GRM8: variants seen among roughly 807,000 people sequenced by gnomAD.
The protein encoded by GRM8 is metabotropic glutamate receptor 8.
Under a neutral mutation model 87.2 loss-of-function variants are expected in GRM8, and 47 were observed. The observed-to-expected ratio is 0.54, with a 90% CI of 0.43 to 0.69. GRM8 has a LOEUF of 0.69. GRM8 is among the 30% of genes least tolerant of loss of function. The pLI is 0.00. For missense variants in GRM8, 1,019 were observed against 1,139.2 expected, an observed-to-expected ratio of 0.89 and a Z score of 1.52; for synonymous variants, 396 against 404.5, an observed-to-expected ratio of 0.98 and a Z score of 0.25.
At chr7:127,199,198 T>C (rs1314987830) in intron 2 of GRM8, among the ~76,000 whole-genome samples, 1 of 151,926 alleles carries the variant, frequency 6.6e-6, no homozygotes, top group Non-Finnish European at 1.5e-5. Flanking sequence ...TGACCTCAAG[T>C]GATCCTCCTG....
intron 8 of GRM8, among the ~76,000 whole-genome samples, chr7:126,601,450 A>G (rs1415092812): frequency 6.6e-6 from 1 of 152,150 alleles, no homozygotes; most frequent in Non-Finnish European, 1.5e-5. Flanking sequence ...TATACCCAGT[A>G]ATGGGATGGC....
intron 8 of GRM8, among the ~76,000 whole-genome samples, chr7:126,583,011 G>A (rs778383354): frequency 2.6e-5 from 4 of 152,162 alleles, no homozygotes; most frequent in Non-Finnish European, 5.9e-5. Context: ...CATCCAATCT[G>A]TAGGCCAAAT....
intron 7 of GRM8, among the ~76,000 whole-genome samples, chr7:126,755,812 T>C (rs1816943657): frequency 6.6e-6 from 1 of 151,896 alleles, no homozygotes; most frequent in Non-Finnish European, 1.5e-5. Context: ...ATGGTGTCAA[T>C]TGAAACTGAA....
intron 6 of GRM8, among the ~76,000 whole-genome samples, chr7:126,792,319 C>T (rs541047997): frequency 1.3e-3 from 196 of 152,238 alleles, no homozygotes; most frequent in South Asian, 0.011. Flanking sequence ...GTATTTAAAC[C>T]AAAAGTTAGC....
At chr7:127,185,315 T>C (rs916559321) in intron 2 of GRM8, among the ~76,000 whole-genome samples, 2 of 151,652 alleles carry the variant, frequency 1.3e-5, no homozygotes, top group Admixed American at 1.3e-4. Flanking sequence ...CCCAAACAAA[T>C]ATAATCAACT....
chr7:127,096,686 C>T (rs1824689431), intron 3 of GRM8, among the ~76,000 whole-genome samples: 1 of 152,048 alleles, frequency 6.6e-6, no homozygotes, highest in Admixed American at 6.6e-5. Context: ...AATTGGGGCA[C>T]AACATGATTA....
At chr7:126,643,122 T>C (rs1157616991) in intron 7 of GRM8, among the ~76,000 whole-genome samples, 8 of 150,772 alleles carry the variant, frequency 5.3e-5, no homozygotes, top group African/African-American at 2.0e-4. Context: ...AAGACCCGTC[T>C]CTACCAAAAT....
chr7:127,138,236 C>T (rs555139607), intron 2 of GRM8, among the ~76,000 whole-genome samples: 1 of 152,252 alleles, frequency 6.6e-6, no homozygotes, highest in East Asian at 1.9e-4. Context: ...AATCCTCCTC[C>T]CCACCCATTG....
At chr7:126,848,642 G>A (rs763945381) in intron 6 of GRM8, among the ~76,000 whole-genome samples, 5 of 151,734 alleles carry the variant, frequency 3.3e-5, no homozygotes, top group African/African-American at 9.7e-5. Context: ...GCAACATGGC[G>A]AAACTCAATC....
In GRM8 at chr7:126,804,544, T is replaced by C. The variant is rs182027476; in HGVS notation, c.1157-34479A>G. On this transcript the variant is annotated intron_variant, in intron 6 of 10. Transcript: ENST00000339582. ...CCTCCTCTCCTGTCTCTTCTCTGCA[T>C]CCTTCTCCCTGCTTCCACCTTTATC... Among the ~76,000 whole-genome samples the C allele has an allele frequency of 5.3e-5, 8 of 152,344 alleles. No individual in the cohort carries two copies. In the East Asian group the frequency reaches 1.3e-3, roughly 26 times the overall value.
chr7:127,071,859 C>G (rs914134116), intron 3 of GRM8, among the ~76,000 whole-genome samples: 5 of 151,938 alleles, frequency 3.3e-5, no homozygotes, highest in Non-Finnish European at 5.9e-5. Flanking sequence ...GAATATCAGA[C>G]CCCCAACTGA....
At chr7:126,643,744 T>C (rs1802728639) in intron 7 of GRM8, among the ~76,000 whole-genome samples, 1 of 152,130 alleles carries the variant, frequency 6.6e-6, no homozygotes, top group Non-Finnish European at 1.5e-5. Context: ...TATGGAAAAT[T>C]TAAAACTAGG....
chr7:126,883,560 T>C (rs1301063741), intron 6 of GRM8, among the ~76,000 whole-genome samples: 8 of 152,212 alleles, frequency 5.3e-5, no homozygotes, highest in African/African-American at 1.4e-4. Context: ...TCTAACTCTA[T>C]AAAAATAGCT....
chr7:126,992,806 CGTGTGTGTGTGTGTGTGTGTGTAT>C (rs1563390384), intron 3 of GRM8, among the ~76,000 whole-genome samples: 1 of 147,324 alleles, frequency 6.8e-6, no homozygotes, highest in Non-Finnish European at 1.5e-5. Context: ...TCTCTCTCTC[CGTGTGTGTGTGTGTGTGTGTGTAT>C]GTGTGTGTGT....
At chr7:126,610,502 G>T (rs570132326) in intron 7 of GRM8, among the ~76,000 whole-genome samples, 3 of 151,940 alleles carry the variant, frequency 2.0e-5, no homozygotes, top group Non-Finnish European at 4.4e-5. Context: ...TGTGCTAGAG[G>T]GTTTCCCCTT....
At chr7:126,545,903 T>C (rs2150910603) in intron 8 of GRM8, among the ~76,000 whole-genome samples, 1 of 152,314 alleles carries the variant, frequency 6.6e-6, no homozygotes, top group Admixed American at 6.5e-5. Flanking sequence ...TTTAAATTAT[T>C]CTGTGATATT....
At chr7:126,744,326 T>C (rs1018033665) in intron 7 of GRM8, among the ~76,000 whole-genome samples, 16 of 152,030 alleles carry the variant, frequency 1.1e-4, no homozygotes, top group African/African-American at 3.9e-4. Context: ...ATGAATAAAC[T>C]TAAACTATTA....
intron 3 of GRM8, among the ~76,000 whole-genome samples, chr7:127,044,036 C>G (rs1305502367): frequency 6.6e-6 from 1 of 152,188 alleles, no homozygotes; most frequent in African/African-American, 2.4e-5. Context: ...CTTGCTTAAT[C>G]CCTTGCTCAG....
chr7:127,116,672 G>T (rs1826718552), intron 2 of GRM8, among the ~76,000 whole-genome samples: 1 of 152,124 alleles, frequency 6.6e-6, no homozygotes, highest in Admixed American at 6.6e-5. Flanking sequence ...GAAGAAAAAG[G>T]AATGAACACT....
Sources: allele counts gnomAD v4.1 joint callset (sites outside exome capture counted in the v4.1 genomes callset), GRCh38; gene constraint gnomAD v4.1.1; transcripts MANE v1.5; gene names NCBI Gene and HGNC (gene_info 2026-07-23, HGNC 2026-07-21).